The following NAALADL2 variants were observed in gnomAD, a reference collection of about 807,000 sequenced individuals.
NAALADL2 encodes inactive N-acetylated-alpha-linked acidic dipeptidase-like protein 2.
In NAALADL2, 76 loss-of-function variants were observed where a neutral mutation model predicts 87.2. The observed-to-expected ratio is 0.87, with a 90% confidence interval of 0.72 to 1.05. The LOEUF (loss-of-function observed/expected upper bound fraction) is 1.05, where lower values mean the gene tolerates loss of function less well. NAALADL2 is among the 50% of genes least tolerant of loss of function. NAALADL2 has a pLI of 0.00. For synonymous variants in NAALADL2, 354 were observed against 331.0 expected, an observed-to-expected ratio of 1.07 and a Z score of -0.75; for missense variants, 1,089 against 945.8, an observed-to-expected ratio of 1.15 and a Z score of -1.99.
At chr3:175,183,700 A>T (rs2109008453) in intron 2 of NAALADL2, among the ~76,000 whole-genome samples, 1 of 152,134 alleles carries the variant, frequency 6.6e-6, no homozygotes, top group South Asian at 2.1e-4. Context: ...ATAGTCAACG[A>T]TCCTTTTAGT....
chr3:175,780,136 CGTG>C, intron 13 of NAALADL2, among the ~76,000 whole-genome samples: 1 of 151,220 alleles, frequency 6.6e-6, no homozygotes, highest in Admixed American at 6.6e-5. Context: ...ATTAGCCGGG[CGTG>C]GTGGTGGGCA....
intron 2 of NAALADL2, among the ~76,000 whole-genome samples, chr3:175,175,451 A>G (rs977353347): frequency 6.6e-6 from 1 of 152,012 alleles, no homozygotes; most frequent in East Asian, 1.9e-4. Flanking sequence ...CATTTTAACT[A>G]CTTTGCTCTT....
chr3:175,099,438 A>G (rs923260369), intron 2 of NAALADL2, among the ~76,000 whole-genome samples: 2 of 152,202 alleles, frequency 1.3e-5, no homozygotes, highest in African/African-American at 4.8e-5. Flanking sequence ...TATTGAGATA[A>G]CATACTTTCT....
intron 2 of NAALADL2, among the ~76,000 whole-genome samples, chr3:175,150,968 A>G (rs755130109): frequency 2.6e-5 from 4 of 152,166 alleles, no homozygotes; most frequent in African/African-American, 4.8e-5. Flanking sequence ...ATATAAGCCT[A>G]TAATTAGTGC....
intron 11 of NAALADL2, among the ~76,000 whole-genome samples, chr3:175,715,209 C>A (rs1741070648): frequency 6.6e-6 from 1 of 152,120 alleles, no homozygotes; most frequent in Non-Finnish European, 1.5e-5. Context: ...AGGATGTGGA[C>A]AGATCCAGGG....
intron 4 of NAALADL2, among the ~76,000 whole-genome samples, chr3:175,273,421 T>C (rs1420611341): frequency 1.3e-5 from 2 of 152,130 alleles, no homozygotes; most frequent in African/African-American, 4.8e-5. Context: ...AATGAAAATA[T>C]CTTATTCTGA....
At chr3:174,565,238 T>G (rs2108520572) in intron 2 of NAALADL2, among the ~76,000 whole-genome samples, 1 of 152,236 alleles carries the variant, frequency 6.6e-6, no homozygotes, top group African/African-American at 2.4e-5. Flanking sequence ...CTATGGGTTT[T>G]GAAACATGTA....
At chr3:175,002,965 T>C (rs1051857233) in intron 1 of NAALADL2, among the ~76,000 whole-genome samples, 1 of 152,104 alleles carries the variant, frequency 6.6e-6, no homozygotes, top group East Asian at 1.9e-4. Flanking sequence ...GTTTTATGAG[T>C]CTACTGTTAT....
At chr3:175,255,377 G>A (rs1014342472) in intron 3 of NAALADL2, among the ~76,000 whole-genome samples, 3 of 152,140 alleles carry the variant, frequency 2.0e-5, no homozygotes, top group Admixed American at 6.5e-5. Context: ...ACTTGTTGAA[G>A]TGCATTAGTT....
At chr3:175,397,094 G>A (rs1769895308) in intron 5 of NAALADL2, among the ~76,000 whole-genome samples, 1 of 151,966 alleles carries the variant, frequency 6.6e-6, no homozygotes, top group Non-Finnish European at 1.5e-5. Flanking sequence ...GTCATTAACA[G>A]TGTGATTGCC....
chr3:174,965,802 A>G (rs543659207), intron 1 of NAALADL2, among the ~76,000 whole-genome samples: 1 of 152,210 alleles, frequency 6.6e-6, no homozygotes, highest in South Asian at 2.1e-4. Context: ...GGAAAATTTT[A>G]CGGAGGGAAG....
intron 4 of NAALADL2, among the ~76,000 whole-genome samples, chr3:175,290,554 G>A (rs149786449): frequency 2.2e-3 from 333 of 152,116 alleles, no homozygotes; most frequent in African/African-American, 2.7e-3. Context: ...ATATGTTTTC[G>A]AAACTCCTTG....
intron 1 of NAALADL2, among the ~76,000 whole-genome samples, chr3:175,094,756 TA>T (rs60653669): frequency 0.18 from 23,412 of 129,686 alleles, 1,885 homozygotes; most frequent in East Asian, 0.22. Context: ...CCAGACACTA[TA>T]GTGTGTGTGT....
At chr3:174,826,178 A>G (rs1260749960) in intron 3 of NAALADL2, among the ~76,000 whole-genome samples, 1 of 152,192 alleles carries the variant, frequency 6.6e-6, no homozygotes, top group African/African-American at 2.4e-5. Context: ...TACAATGAGT[A>G]CTTACTTATT....
At chr3:175,117,941 A>G (rs563323593) in intron 2 of NAALADL2, among the ~76,000 whole-genome samples, 2 of 152,196 alleles carry the variant, frequency 1.3e-5, no homozygotes, top group South Asian at 4.1e-4. Context: ...AGCCATAAAA[A>G]ATGATGAGTT....
chr3:175,325,557 G>A (rs1030224127), intron 5 of NAALADL2, among the ~76,000 whole-genome samples: 2 of 152,198 alleles, frequency 1.3e-5, no homozygotes, highest in Admixed American at 6.5e-5. Context: ...AGGAAGCTGC[G>A]TTTGGCAGTG....
intron 4 of NAALADL2, among the ~76,000 whole-genome samples, chr3:175,313,672 C>T (rs1447059262): frequency 6.6e-6 from 1 of 152,126 alleles, no homozygotes; most frequent in Non-Finnish European, 1.5e-5. Flanking sequence ...AAGTAGACTG[C>T]CCAAATGGCA....
chr3:175,633,564 C>G (rs1332505159), intron 11 of NAALADL2, among the ~76,000 whole-genome samples: 6 of 151,750 alleles, frequency 4.0e-5, no homozygotes, highest in Non-Finnish European at 8.8e-5. Context: ...TCTGGCACCT[C>G]AAATGCTCTA....
At chr3:175,263,145 GC>G (rs760236422) in intron 4 of NAALADL2, among the ~76,000 whole-genome samples, 66 of 151,964 alleles carry the variant, frequency 4.3e-4, no homozygotes, top group Middle Eastern at 6.8e-3. Flanking sequence ...TAAATCTGCT[GC>G]TGTTTTCAAA....
Sources: allele counts gnomAD v4.1 joint callset (sites outside exome capture counted in the v4.1 genomes callset), GRCh38; gene constraint gnomAD v4.1.1; transcripts MANE v1.5; gene names NCBI Gene and HGNC (gene_info 2026-07-23, HGNC 2026-07-21).